CHD6: variants seen among roughly 807,000 people sequenced by gnomAD.
The protein encoded by CHD6 is ATP-dependent chromatin remodeler CHD6.
CHD6 carries 50 observed loss-of-function variants against 276.9 expected under a neutral mutation model. That is an observed-to-expected ratio of 0.18 (90% CI 0.14 to 0.23). The LOEUF is 0.23. CHD6 is among the 10% of genes least tolerant of loss of function. The probability of loss-of-function intolerance (pLI) is 1.00; values close to 1 mark genes in which losing one functional copy is unlikely to be tolerated. For missense variants in CHD6, 2,564 were observed against 3,365.8 expected (o/e 0.76, Z 5.89); for synonymous variants, 1,173 against 1,229.3 (o/e 0.95, Z 0.96).
intron 30 of CHD6, among the ~76,000 whole-genome samples, 184 bp from the exon 31 acceptor site, chr20:41,422,263 G>GGACAGACCCAAAGGGTGT (rs1369672373): frequency 7.2e-5 from 11 of 152,114 alleles, no homozygotes; most frequent in African/African-American, 1.2e-4. Context: ...TATGAAACAA[G>GGACAGACCCAAAGGGTGT]GACAGACCCA....
Position 41,483,413 on chromosome 20 carries a change from A to G in CHD6, c.2364T>C (p.Ile788=). The change falls in exon 16 of 37, where the codon ATT becomes ATC. Residue 788 remains isoleucine (I), a synonymous_variant. Coordinates refer to ENST00000373233, the MANE Select transcript of CHD6 (RefSeq NM_032221.5). ...CAATCAGCTTAGGGAGTAGTTTATC[A>G]ATCAACACAAGCTTTCCTGCTGCCT... ...MIQAAGKLVL[I]DKLLPKLIAG... 1 of 1,613,828 alleles carries G rather than the reference A, an allele frequency of 6.2e-7. No individual in the cohort carries two copies. Among genetic ancestry groups the G allele is most frequent in the Non-Finnish European group, 8.5e-7 (1 of 1,179,868 alleles).
intron 1 of CHD6, among the ~76,000 whole-genome samples, chr20:41,591,528 T>C (rs1052898437): frequency 5.3e-5 from 8 of 151,230 alleles, no homozygotes; most frequent in Non-Finnish European, 1.0e-4. Context: ...CCGTCTCTAC[T>C]AAAAAATAAA....
intron 1 of CHD6, among the ~76,000 whole-genome samples, chr20:41,553,314 T>C (rs183897706): frequency 1.3e-5 from 2 of 152,360 alleles, no homozygotes; most frequent in South Asian, 2.1e-4. Flanking sequence ...GTGTTAGAAG[T>C]AGTAGTTTCT....
Position 41,415,455 on chromosome 20 carries a change from C to T in CHD6, c.6670G>A (p.Glu2224Lys), listed in dbSNP as rs761666722. 14 of 1,612,722 alleles carry T rather than the reference C, an allele frequency of 8.7e-6. No individual in the cohort carries two copies. Among genetic ancestry groups the T allele is most frequent in the Non-Finnish European group, 1.1e-5 (13 of 1,179,400 alleles). ...ESAMDLSCSS[E>K]GSPGATSPFP... ...GGGGATGTGGCTCCTGGGGACCCCT[C>T]TGATGAGCAGGAGAGGTCCATAGCT... Residue 2224 changes from glutamate to lysine, a missense_variant, in exon 34 of 37, where the codon GAG (glutamate) becomes AAG (lysine). Glu to Lys is a moderately conservative substitution (Grantham distance 56). This residue lies in a region of CHD6 where 1,024 missense variants were observed against 1,047.9 expected (regional missense o/e 0.98). Coordinates refer to ENST00000373233, the MANE Select transcript of CHD6 (RefSeq NM_032221.5).
At chr20:41,604,686 T>C (rs1249200829) in intron 1 of CHD6, among the ~76,000 whole-genome samples, 1 of 152,194 alleles carries the variant, frequency 6.6e-6, no homozygotes, top group African/African-American at 2.4e-5. Context: ...GGTTCCACTT[T>C]AGAACTCTGC....
intron 17 of CHD6, among the ~76,000 whole-genome samples, chr20:41,457,876 C>T (rs2048424911): frequency 6.6e-6 from 1 of 152,150 alleles, no homozygotes; most frequent in African/African-American, 2.4e-5. Flanking sequence ...TACGGACAAT[C>T]TCGTTTATTT....
At chr20:41,524,813 C>A (rs2044488596) in intron 3 of CHD6, among the ~76,000 whole-genome samples, 1 of 152,166 alleles carries the variant, frequency 6.6e-6, no homozygotes, top group Non-Finnish European at 1.5e-5. Flanking sequence ...TTCATTAATT[C>A]TTTGCTTTTC....
At chr20:41,534,604 A>G (rs542665869) in intron 2 of CHD6, among the ~76,000 whole-genome samples, 1 of 152,238 alleles carries the variant, frequency 6.6e-6, no homozygotes, top group South Asian at 2.1e-4. Context: ...GATCTTTATC[A>G]TATCAATACA....
intron 1 of CHD6, among the ~76,000 whole-genome samples, chr20:41,573,025 T>C (rs2045435418): frequency 6.6e-6 from 1 of 152,076 alleles, no homozygotes; most frequent in South Asian, 2.1e-4. Context: ...TTCTCCTGCC[T>C]CAGCCTCCCG....
At chr20:41,496,820 T>C (rs2145889012) in intron 8 of CHD6, 2 of 154,436 alleles carry the variant, frequency 1.3e-5, no homozygotes, top group South Asian at 4.0e-4. Flanking sequence ...GTGTAGGCTC[T>C]ATTACAGGGT....
At chr20:41,455,700 T>A (rs2048358177) in intron 19 of CHD6, 100 bp downstream of exon 19, 2 of 764,038 alleles carry the variant, frequency 2.6e-6, no homozygotes, top group South Asian at 2.7e-5. Flanking sequence ...ATTTCTAGGA[T>A]TTGCATTCAG....
intron 16 of CHD6, among the ~76,000 whole-genome samples, chr20:41,474,948 CT>C (rs957060161): frequency 6.6e-6 from 1 of 152,080 alleles, no homozygotes; most frequent in Non-Finnish European, 1.5e-5. Context: ...TTTGTTTCCT[CT>C]TTATTTAAAA....
intron 16 of CHD6, among the ~76,000 whole-genome samples, chr20:41,481,896 C>G (rs989093506): frequency 2.0e-5 from 3 of 151,686 alleles, no homozygotes; most frequent in African/African-American, 7.3e-5. Flanking sequence ...CACTGCAATT[C>G]AAACAAACAA....
At chr20:41,547,700 G>T in intron 2 of CHD6, 1 of 703,132 alleles carries the variant, frequency 1.4e-6, no homozygotes, top group South Asian at 1.3e-5. Context: ...TAGACAGAAA[G>T]AAACAGAAAA....
intron 1 of CHD6, among the ~76,000 whole-genome samples, chr20:41,581,480 T>C (rs1486281232): frequency 5.9e-5 from 9 of 151,980 alleles, no homozygotes; most frequent in Admixed American, 5.2e-4. Context: ...ATCGAGACCA[T>C]CCTGGCCAAC....
Position 41,421,991 on chromosome 20 carries a change from G to T in CHD6, c.4644C>A (p.Val1548=). The T allele has an allele frequency of 6.2e-7, 1 of 1,614,206 alleles. No individual in the cohort carries two copies. Among genetic ancestry groups the T allele is most frequent in the East Asian group, 2.2e-5 (1 of 44,886 alleles). Residue 1548 remains valine (V), a synonymous_variant, in exon 31 of 37, where the codon GTC becomes GTA. Coordinates refer to ENST00000373233, the MANE Select transcript of CHD6 (RefSeq NM_032221.5). ...TLYRIELLRK[V]REQVLKCPQL... ...GAGGGCACTTGAGCACTTGCTCTCGGACTTTCCGTAACAGTTCAATGCGGT... is the reference window on the plus strand; with the variant it reads ...GAGGGCACTTGAGCACTTGCTCTCGTACTTTCCGTAACAGTTCAATGCGGT...
chr20:41,603,407 C>T (rs2146290467), intron 1 of CHD6, among the ~76,000 whole-genome samples: 1 of 152,246 alleles, frequency 6.6e-6, no homozygotes, highest in South Asian at 2.1e-4. Context: ...GTACTAGGCA[C>T]AATATAGTGT....
intron 27 of CHD6, among the ~76,000 whole-genome samples, chr20:41,436,104 T>C (rs1208331124): frequency 6.6e-6 from 1 of 152,176 alleles, no homozygotes; most frequent in African/African-American, 2.4e-5. Flanking sequence ...GAGAAAATAC[T>C]TGCAAACTAC....
chr20:41,472,620 G>A (rs539318667), intron 17 of CHD6, among the ~76,000 whole-genome samples: 55 of 152,218 alleles, frequency 3.6e-4, no homozygotes, highest in Non-Finnish European at 6.8e-4. Flanking sequence ...CTGACTTCGC[G>A]TCCCATATAG....
Sources: gnomAD v4.1 joint callset for allele counts (sites outside exome capture counted in the v4.1 genomes callset) on GRCh38, gnomAD v4.1.1 for gene constraint, gnomAD v4.1.1 regional missense constraint, MANE v1.5 for transcripts, NCBI Gene and HGNC (gene_info 2026-07-23, HGNC 2026-07-21) for gene names.